Variants in LRRTM4 observed in about 807,000 individuals in gnomAD.
LRRTM4 encodes the protein leucine rich repeat transmembrane neuronal 4.
Under a neutral mutation model 47.6 loss-of-function variants are expected in LRRTM4, and 25 were observed. The observed-to-expected ratio is 0.53, with a 90% confidence interval of 0.38 to 0.73. The LOEUF (loss-of-function observed/expected upper bound fraction) is 0.73. Ranked by LOEUF, LRRTM4 falls within the 30% of genes least tolerant of loss-of-function variation. The pLI is 0.00. For synonymous variants in LRRTM4, 311 were observed against 269.5 expected (o/e 1.15, Z -1.51); for missense variants, 638 against 713.4 (o/e 0.89, Z 1.20).
chr2:77,518,085 T>C (rs1197996439), intron 3 of LRRTM4: 3 of 1,269,906 alleles, frequency 2.4e-6, no homozygotes, highest in Admixed American at 3.8e-5. Context: ...TAGTGCTTTA[T>C]TCCAACTTAT....
chr2:76,871,847 C>A (rs535677897), intron 3 of LRRTM4, among the ~76,000 whole-genome samples: 1 of 152,314 alleles, frequency 6.6e-6, no homozygotes, highest in Non-Finnish European at 1.5e-5. Context: ...CTACCTCTGA[C>A]AGCCAGCAAA....
chr2:77,209,405 G>A (rs935536240), intron 3 of LRRTM4, among the ~76,000 whole-genome samples: 1 of 151,196 alleles, frequency 6.6e-6, no homozygotes, highest in Non-Finnish European at 1.5e-5. Flanking sequence ...GAAAAGTGAT[G>A]TGTTTGAGTG....
rs373927250 is a variant in LRRTM4, at chr2:77,243,998, C to T, written c.1551+274320G>A. 1.1e-4 allele frequency among the ~76,000 whole-genome samples: 14 copies of T among 127,934 alleles called. 1 individual carries two copies. The highest frequency in any genetic ancestry group is 2.1e-4 in the Non-Finnish European group (13 of 62,060). 83.9% of individuals were successfully genotyped at this position (127,934 alleles called of 152,430 possible). On this transcript the variant is annotated intron_variant, in intron 3 of 3. Coordinates refer to ENST00000409884, the MANE Select transcript of LRRTM4 (RefSeq NM_001134745.3). Reference sequence around the variant, plus strand: ...ATGTGATCTCATTGTTCAATTCCCACCTATGAGTGAGAATATGCGGTGTTT... The same window carrying T: ...ATGTGATCTCATTGTTCAATTCCCATCTATGAGTGAGAATATGCGGTGTTT...
chr2:76,815,862 C>G (rs982576529), intron 3 of LRRTM4, among the ~76,000 whole-genome samples: 1 of 152,082 alleles, frequency 6.6e-6, no homozygotes, highest in African/African-American at 2.4e-5. Context: ...AATATGTTAG[C>G]TTCCACCAAT....
At chr2:77,059,365 T>TTTTC (rs10629611) in intron 3 of LRRTM4, among the ~76,000 whole-genome samples, 46,641 of 151,806 alleles carry the variant, frequency 0.31, 7,547 homozygotes, top group African/African-American at 0.39. Flanking sequence ...CAAAGTCACT[T>TTTTC]TTTCTTTATT....
intron 3 of LRRTM4, among the ~76,000 whole-genome samples, chr2:77,035,050 A>AT (rs549279745): frequency 3.3e-5 from 5 of 151,410 alleles, no homozygotes; most frequent in African/African-American, 9.7e-5. Flanking sequence ...TATTTTTATT[A>AT]TTTTTTTTCT....
intron 3 of LRRTM4, among the ~76,000 whole-genome samples, chr2:77,414,754 T>C (rs73942716): frequency 0.044 from 6,637 of 152,254 alleles, 499 homozygotes; most frequent in African/African-American, 0.15. Flanking sequence ...TTTTAGTTTA[T>C]GTGATCAATG....
At chr2:77,410,028 T>G (rs1674357694) in intron 3 of LRRTM4, among the ~76,000 whole-genome samples, 1 of 152,208 alleles carries the variant, frequency 6.6e-6, no homozygotes, top group African/African-American at 2.4e-5. Flanking sequence ...ACTGAGATTC[T>G]GGAAGGATGA....
chr2:76,782,122 A>G lies in LRRTM4; in HGVS notation c.1552-33206T>C, dbSNP rs151204837. ...CCATATGTATGCCTTTCTTATAGCT[A>G]TCTTGCACCCGCATAAAAGCTCCAC... On this transcript the variant is annotated intron_variant, in intron 3 of 3. Transcript: ENST00000409884. Among the ~76,000 whole-genome samples, 678 of 152,328 alleles carry G rather than the reference A, an allele frequency of 4.5e-3. 7 individuals carry two copies. The highest frequency in any genetic ancestry group is 0.016 in the African/African-American group (647 of 41,562).
intron 3 of LRRTM4, among the ~76,000 whole-genome samples, chr2:76,913,219 A>G (rs1674131368): frequency 6.6e-6 from 1 of 152,160 alleles, no homozygotes; most frequent in Non-Finnish European, 1.5e-5. Flanking sequence ...GATTTGTAAG[A>G]GATACAGATG....
chr2:76,902,154 C>A (rs1290191951), intron 3 of LRRTM4, among the ~76,000 whole-genome samples: 1 of 152,114 alleles, frequency 6.6e-6, no homozygotes, highest in African/African-American at 2.4e-5. Flanking sequence ...TTAACTATAT[C>A]TATTTAAGTG....
At chr2:76,962,574 T>C in intron 3 of LRRTM4, among the ~76,000 whole-genome samples, 1 of 150,842 alleles carries the variant, frequency 6.6e-6, no homozygotes, top group East Asian at 2.0e-4. Flanking sequence ...AAGTGACTTT[T>C]ACTACTTCAC....
chr2:77,377,725 A>C (rs1441885199), intron 3 of LRRTM4, among the ~76,000 whole-genome samples: 1 of 152,036 alleles, frequency 6.6e-6, no homozygotes, highest in East Asian at 1.9e-4. Flanking sequence ...GAATCTCTGA[A>C]GATCACTTTT....
intron 3 of LRRTM4, among the ~76,000 whole-genome samples, chr2:77,017,206 A>AAGAC (rs1678101702): frequency 1.3e-5 from 2 of 152,178 alleles, no homozygotes; most frequent in South Asian, 4.1e-4. Flanking sequence ...CAAGGTGGCA[A>AAGAC]AGACATTTTA....
Position 76,879,849 on chromosome 2 carries a change from T to G in LRRTM4, c.1552-130933A>C, listed in dbSNP as rs189178486. Reference sequence around the variant, plus strand: ...AACATTAATAGGAGTCTGGAAGAAGTTGATTTCAATCCTAATGGGTGACTT... The same window carrying G: ...AACATTAATAGGAGTCTGGAAGAAGGTGATTTCAATCCTAATGGGTGACTT... On this transcript the variant is annotated intron_variant, in intron 3 of 3. Transcript: ENST00000409884. 2.6e-5 allele frequency among the ~76,000 whole-genome samples: 4 copies of G among 152,338 alleles called. No homozygotes were observed. In the East Asian group the frequency reaches 5.8e-4, roughly 22 times the overall value.
In LRRTM4 at chr2:77,362,170, A is replaced by AAAGAAAGAAAGAAAGAAAGGAAGGAAGG. The variant is rs1282143102; in HGVS notation, c.1551+156147_1551+156148insCCTTCCTTCCTTTCTTTCTTTCTTTCTT. Among the ~76,000 whole-genome samples the AAAGAAAGAAAGAAAGAAAGGAAGGAAGG allele has an allele frequency of 2.8e-3, 370 of 133,218 alleles. 3 individuals carry two copies. Among genetic ancestry groups the AAAGAAAGAAAGAAAGAAAGGAAGGAAGG allele is most frequent in the East Asian group, 8.4e-3 (37 of 4,384 alleles). The allele number at this position is 133,218 out of a possible 152,430, so 87.4% of individuals were successfully genotyped here. On this transcript the variant is annotated intron_variant, in intron 3 of 3. Coordinates refer to ENST00000409884, the MANE Select transcript of LRRTM4 (RefSeq NM_001134745.3). The stretch of plus-strand genomic sequence containing the variant: ...GAAAGAAAGAAAGAAAGAAAGAAAG[A>AAAGAAAGAAAGAAAGAAAGGAAGGAAGG]AAGGAAGGAAGGAAGAGTTCTTAAT...
In LRRTM4 at chr2:77,370,174, G is replaced by C. The variant is rs73941246; in HGVS notation, c.1551+148144C>G. Among the ~76,000 whole-genome samples the C allele has an allele frequency of 4.6e-3, 694 of 151,726 alleles. 2 individuals are homozygous for C. Among genetic ancestry groups the C allele is most frequent in the African/African-American group, 0.016 (670 of 41,450 alleles). ...TGTTGAAGTTGAGAAGACTGGAGTT[G>C]AGAAACTCACAGAAGACAGTGGGTC... is the stretch of plus-strand genomic sequence containing the variant. On this transcript the variant is annotated intron_variant, in intron 3 of 3. Coordinates refer to ENST00000409884, the MANE Select transcript of LRRTM4 (RefSeq NM_001134745.3).
chr2:76,986,585 A>G (rs1004703140), intron 3 of LRRTM4, among the ~76,000 whole-genome samples: 3 of 151,958 alleles, frequency 2.0e-5, no homozygotes, highest in African/African-American at 7.2e-5. Flanking sequence ...ACAAAGATTT[A>G]TCTTGCTACT....
Position 76,834,019 on chromosome 2 carries a change from A to ATTATTTATTTATTTAT in LRRTM4, c.1552-85119_1552-85104dup, listed in dbSNP as rs10644834. On this transcript the variant is annotated intron_variant, in intron 3 of 3. Coordinates refer to ENST00000409884, the MANE Select transcript of LRRTM4 (RefSeq NM_001134745.3). ...GCAAGCCCTTGTTTTTCATTTATTT[A>ATTATTTATTTATTTAT]TTATTTATTTATTTATTTATTTATT... Among the ~76,000 whole-genome samples, 467 of 140,556 alleles carry ATTATTTATTTATTTAT rather than the reference A, an allele frequency of 3.3e-3. 2 individuals are homozygous for ATTATTTATTTATTTAT. The highest frequency in any genetic ancestry group is 0.011 in the South Asian group (46 of 4,308). 92.2% of individuals were successfully genotyped at this position (140,556 alleles called of 152,430 possible).
Sources: allele counts gnomAD v4.1 joint callset (sites outside exome capture counted in the v4.1 genomes callset), GRCh38; gene constraint gnomAD v4.1.1; transcripts MANE v1.5; gene names NCBI Gene and HGNC (gene_info 2026-07-23, HGNC 2026-07-21).